Variants in ZNF423 observed in about 807,000 individuals in gnomAD.
ZNF423 encodes the protein Ebf-associated zinc finger protein.
Under a neutral mutation model 95.8 loss-of-function variants are expected in ZNF423, and 12 were observed. The observed-to-expected ratio is 0.13, with a 90% CI of 0.08 to 0.20. The LOEUF is 0.20. Ranked by LOEUF, ZNF423 falls within the 10% of genes least tolerant of loss-of-function variation. The pLI is 1.00. For synonymous variants in ZNF423, 749 were observed against 711.9 expected, an observed-to-expected ratio of 1.05 and a Z score of -0.83; for missense variants, 1,316 against 1,737.1, an observed-to-expected ratio of 0.76 and a Z score of 4.31.
Position 49,855,007 on chromosome 16 carries a change from T to C in ZNF423, c.40+728A>G. 1 of 983,688 alleles carries C rather than the reference T, an allele frequency of 1.0e-6. No individual in the cohort carries two copies. Among genetic ancestry groups the C allele is most frequent in the African/African-American group, 1.8e-5 (1 of 56,672 alleles). The allele number at this position is 983,688 out of a possible 1,614,324, so 60.9% of individuals were successfully genotyped here. A position where few individuals can be genotyped will look rare whatever the true frequency, so the allele number is the denominator to read the frequency against. On this transcript the variant is annotated intron_variant, in intron 1 of 7. Transcript: ENST00000563137. The surrounding 1 kb of genome is among the most constrained non-coding windows in gnomAD (Gnocchi z 4.7). ...GGGGCGCGCACCGCGGCCGCTGAGCTCCCCTGAGGACCTGCGTCCCGCCGG... is the reference window on the plus strand; with the variant it reads ...GGGGCGCGCACCGCGGCCGCTGAGCCCCCCTGAGGACCTGCGTCCCGCCGG...
At chr16:49,514,277 C>A (rs1597030369) in intron 7 of ZNF423, among the ~76,000 whole-genome samples, 1 of 151,866 alleles carries the variant, frequency 6.6e-6, no homozygotes, top group East Asian at 1.9e-4. Context: ...CATACACACA[C>A]CACTCTCCAT....
intron 2 of ZNF423, among the ~76,000 whole-genome samples, chr16:49,755,879 C>T (rs908696293): frequency 6.6e-6 from 1 of 152,106 alleles, no homozygotes; most frequent in African/African-American, 2.4e-5. Flanking sequence ...CAAGTGTTGC[C>T]GGAATGCCTG....
intron 3 of ZNF423, among the ~76,000 whole-genome samples, chr16:49,646,568 C>CTTTTTTTTTT (rs1194511671): frequency 1.7e-5 from 2 of 120,716 alleles, no homozygotes; most frequent in Non-Finnish European, 1.8e-5. Context: ...ATTTTCTTTT[C>CTTTTTTTTTT]TTTTTCTTTT....
intron 5 of ZNF423, among the ~76,000 whole-genome samples, chr16:49,589,560 C>T (rs1970942342): frequency 6.6e-6 from 1 of 151,946 alleles, no homozygotes; most frequent in Non-Finnish European, 1.5e-5. Context: ...TCAGATAAAC[C>T]TTTTGTTCTT....
chr16:49,628,751 G>T (rs12923225), intron 4 of ZNF423, among the ~76,000 whole-genome samples: 38 of 152,178 alleles, frequency 2.5e-4, no homozygotes, highest in Non-Finnish European at 4.4e-4. Context: ...ACACACAGGG[G>T]CTAGTACCAG....
chr16:49,535,782 C>A (rs1009290461), intron 5 of ZNF423, among the ~76,000 whole-genome samples: 2 of 152,196 alleles, frequency 1.3e-5, no homozygotes, highest in Non-Finnish European at 2.9e-5. Flanking sequence ...TAGGTAAAAG[C>A]AAGTAGCTTA....
intron 3 of ZNF423, among the ~76,000 whole-genome samples, chr16:49,667,298 C>T (rs1380199659): frequency 6.6e-6 from 1 of 152,186 alleles, no homozygotes; most frequent in Non-Finnish European, 1.5e-5. Flanking sequence ...GGCATGGAGG[C>T]CCGAGAAGAG....
intron 5 of ZNF423, among the ~76,000 whole-genome samples, chr16:49,592,540 AC>A (rs1453253397): frequency 1.3e-5 from 2 of 152,250 alleles, no homozygotes; most frequent in Non-Finnish European, 2.9e-5. Context: ...TGCAGAAGTC[AC>A]TTGCAGGAGT....
intron 3 of ZNF423, among the ~76,000 whole-genome samples, chr16:49,676,961 T>C (rs909465645): frequency 6.6e-6 from 1 of 152,006 alleles, no homozygotes; most frequent in African/African-American, 2.4e-5. Context: ...CTCATGCCAG[T>C]AATCCTAGCA....
At position 49,638,551 on chromosome 16, in the gene ZNF423, C is replaced by T. The variant is rs1972848163; in HGVS notation, c.625G>A (p.Ala209Thr). The change falls in exon 4 of 8, where the codon GCA becomes ACA. Residue 209 changes from alanine to threonine, a missense_variant. Ala to Thr is a moderately conservative substitution (Grantham distance 58, BLOSUM62 0). Coordinates refer to ENST00000563137, the MANE Select transcript of ZNF423 (RefSeq NM_001379286.1). This position sits in a 1 kb window ranked among gnomAD's most constrained non-coding sequence, Gnocchi z 5.6. ...DKKYHCHECE[A>T]AFSRSDHLKI... ...AGGTGGTCGCTGCGGGAGAAGGCTG[C>T]CTCGCACTCGTGGCAGTGATACTTC... 6.2e-7 allele frequency: 1 copy of T among 1,613,778 alleles called. No individual in the cohort carries two copies. The highest frequency in any genetic ancestry group is 8.5e-7 in the Non-Finnish European group (1 of 1,180,028).
intron 1 of ZNF423, among the ~76,000 whole-genome samples, chr16:49,840,010 C>G (rs1036837859): frequency 6.6e-6 from 1 of 152,210 alleles, no homozygotes; most frequent in Admixed American, 6.5e-5. Context: ...AACCTGTCCA[C>G]GTGGTGGCCA....
rs1001375859 is a variant in ZNF423 at position 49,518,657 on chromosome 16, G to A, written c.3849+4967C>T. On this transcript the variant is annotated intron_variant, in intron 7 of 7. Coordinates refer to ENST00000563137, the MANE Select transcript of ZNF423 (RefSeq NM_001379286.1). ...TTCAGCCACTGACAACTACTGGTCTGTTTTCTATGGCGATATATTTTTACC... is the reference window on the plus strand; with the variant it reads ...TTCAGCCACTGACAACTACTGGTCTATTTTCTATGGCGATATATTTTTACC... The A allele has an allele frequency of 3.1e-5, 12 of 382,098 alleles. No individual in the cohort carries two copies. In the Admixed American group the frequency reaches 4.2e-4, roughly 14 times the overall value. 23.7% of individuals were successfully genotyped at this position (382,098 alleles called of 1,614,324 possible).
In ZNF423 at chr16:49,521,832, G is replaced by A. The variant is rs116883062; in HGVS notation, c.3849+1792C>T. Among the ~76,000 whole-genome samples, 765 of 152,320 alleles carry A rather than the reference G, an allele frequency of 5.0e-3. 6 individuals are homozygous for A. Among genetic ancestry groups the A allele is most frequent in the Non-Finnish European group, 8.5e-3 (577 of 68,022 alleles). On this transcript the variant is annotated intron_variant, in intron 7 of 7. Transcript: ENST00000563137. ...GGCATGGGGCCAGCCTATGGAAACAGGACTTGACCATCTAATGGTGAATCC... is the reference window on the plus strand; with the variant it reads ...GGCATGGGGCCAGCCTATGGAAACAAGACTTGACCATCTAATGGTGAATCC...
At chr16:49,781,593 A>G (rs143519000) in intron 2 of ZNF423, among the ~76,000 whole-genome samples, 292 of 152,324 alleles carry the variant, frequency 1.9e-3, no homozygotes, top group Non-Finnish European at 3.6e-3. Context: ...GCAAAACACA[A>G]GCAGGGCAGG....
At chr16:49,593,649 G>T (rs1661783917) in intron 5 of ZNF423, among the ~76,000 whole-genome samples, 1 of 152,018 alleles carries the variant, frequency 6.6e-6, no homozygotes, top group Non-Finnish European at 1.5e-5. Flanking sequence ...CCGTGCCTTT[G>T]TTTCTCCATC....
intron 3 of ZNF423, 181 bp downstream of exon 3, chr16:49,730,590 T>C: frequency 3.0e-6 from 2 of 674,946 alleles, no homozygotes; most frequent in Non-Finnish European, 5.0e-6. Flanking sequence ...GGAAAGCTGT[T>C]GCTTTTATTT....
intron 5 of ZNF423, among the ~76,000 whole-genome samples, chr16:49,619,823 C>T (rs971111135): frequency 8.5e-5 from 13 of 152,114 alleles, no homozygotes; most frequent in Admixed American, 7.2e-4. Context: ...GAGACAGGAA[C>T]CCCTTTTTCT....
chr16:49,703,873 C>T (rs575812416), intron 3 of ZNF423, among the ~76,000 whole-genome samples: 167 of 151,428 alleles, frequency 1.1e-3, no homozygotes, highest in Non-Finnish European at 2.0e-3. Context: ...CCAGCTTGTG[C>T]CCAGCCCAGT....
intron 7 of ZNF423, among the ~76,000 whole-genome samples, chr16:49,506,009 C>T (rs919933072): frequency 2.0e-5 from 3 of 152,186 alleles, no homozygotes; most frequent in African/African-American, 7.2e-5. Context: ...ATCTATATCG[C>T]CAGTCTGTCC....
Sources: gnomAD v4.1 joint callset for allele counts (sites outside exome capture counted in the v4.1 genomes callset) on GRCh38, gnomAD v4.1.1 for gene constraint, Gnocchi (gnomAD v3.1) non-coding constraint, MANE v1.5 for transcripts, NCBI Gene and HGNC (gene_info 2026-07-23, HGNC 2026-07-21) for gene names.